The following CCDC91 variants were observed in gnomAD, a reference collection of about 807,000 sequenced individuals.
CCDC91 encodes the protein coiled-coil domain-containing protein 91.
In CCDC91, 48 loss-of-function variants were observed where a neutral mutation model predicts 63.2. The ratio of observed to expected loss-of-function variants is 0.76; its 90% CI spans 0.60 to 0.97. The LOEUF is 0.97. Among genes scored for constraint, CCDC91 ranks in the 50% least tolerant of loss-of-function variants. CCDC91 has a pLI of 0.00. For synonymous variants in CCDC91, 167 were observed against 165.8 expected, an observed-to-expected ratio of 1.01 and a Z score of -0.06; for missense variants, 500 against 494.6, an observed-to-expected ratio of 1.01 and a Z score of -0.10.
intron 11 of CCDC91, among the ~76,000 whole-genome samples, chr12:28,457,503 T>G (rs1950108400): frequency 1.3e-5 from 2 of 149,766 alleles, no homozygotes; most frequent in Non-Finnish European, 3.0e-5. Context: ...ATTGTGCAAC[T>G]TAAGCCACTT....
intron 8 of CCDC91, among the ~76,000 whole-genome samples, chr12:28,441,725 A>G (rs1487996667): frequency 7.9e-5 from 1 of 12,688 alleles, no homozygotes; most frequent in Non-Finnish European, 2.3e-4. Context: ...TCTCATATAT[A>G]TCATATATCT....
At chr12:28,386,832 T>C (rs1258185080) in intron 7 of CCDC91, among the ~76,000 whole-genome samples, 1 of 152,190 alleles carries the variant, frequency 6.6e-6, no homozygotes, top group Non-Finnish European at 1.5e-5. Flanking sequence ...ATAGAATATG[T>C]TGGTATGTAT....
intron 8 of CCDC91, among the ~76,000 whole-genome samples, chr12:28,441,714 ATC>A (rs1425274552): frequency 6.8e-5 from 3 of 44,402 alleles, no homozygotes; most frequent in Admixed American, 2.5e-4. Flanking sequence ...TCATATATAT[ATC>A]TCATATATAT....
intron 12 of CCDC91, among the ~76,000 whole-genome samples, chr12:28,502,477 G>T (rs537730729): frequency 1.3e-5 from 2 of 151,666 alleles, no homozygotes; most frequent in Admixed American, 6.6e-5. Context: ...TGGGTAGGAA[G>T]AATCAATATC....
chr12:28,286,878 AT>A (rs1371766421), intron 3 of CCDC91, among the ~76,000 whole-genome samples: 2 of 152,036 alleles, frequency 1.3e-5, no homozygotes, highest in African/African-American at 2.4e-5. Flanking sequence ...AGCATCTATT[AT>A]TTTTTTGACT....
intron 6 of CCDC91, among the ~76,000 whole-genome samples, chr12:28,358,899 T>G (rs566818385): frequency 8.6e-5 from 13 of 151,858 alleles, no homozygotes; most frequent in African/African-American, 3.1e-4. Flanking sequence ...ACACCAATAC[T>G]TTTTTTTTCT....
chr12:28,268,420 C>T (rs1424302391), intron 3 of CCDC91, among the ~76,000 whole-genome samples: 1 of 152,062 alleles, frequency 6.6e-6, no homozygotes, highest in Non-Finnish European at 1.5e-5. Flanking sequence ...ACTATAGCTA[C>T]ATATTAACAA....
rs139570319 is a variant in CCDC91, at chr12:28,429,718, T to G, written c.763-20443T>G. On this transcript the variant is annotated intron_variant, in intron 8 of 12. Transcript: ENST00000536442. ...ATTAAGTTCCTTAAATGCATGTGTA[T>G]TTTTTCTTCAGGTAGATTGAAATAT... is the stretch of plus-strand genomic sequence containing the variant. 3.5e-3 allele frequency among the ~76,000 whole-genome samples: 534 copies of G among 152,214 alleles called. 7 individuals are homozygous for G. Among genetic ancestry groups the G allele is most frequent in the African/African-American group, 0.012 (501 of 41,542 alleles).
intron 12 of CCDC91, among the ~76,000 whole-genome samples, chr12:28,488,924 A>C (rs1434828621): frequency 6.6e-6 from 1 of 151,936 alleles, no homozygotes; most frequent in African/African-American, 2.4e-5. Flanking sequence ...CTCATGGGTC[A>C]AATCCGGCCT....
At chr12:28,442,126 A>C (rs1200239817) in intron 8 of CCDC91, among the ~76,000 whole-genome samples, 2 of 152,068 alleles carry the variant, frequency 1.3e-5, no homozygotes, top group African/African-American at 4.8e-5. Context: ...TCTGCAGTAA[A>C]TGTTTAAGTG....
At chr12:28,328,908 AGTTT>A (rs1284081669) in intron 6 of CCDC91, among the ~76,000 whole-genome samples, 1 of 152,136 alleles carries the variant, frequency 6.6e-6, no homozygotes, top group African/African-American at 2.4e-5. Flanking sequence ...TAAGAAAAAC[AGTTT>A]AAGTCAGTAG....
intron 7 of CCDC91, among the ~76,000 whole-genome samples, chr12:28,370,347 A>G (rs1352780006): frequency 6.6e-6 from 1 of 152,186 alleles, no homozygotes; most frequent in South Asian, 2.1e-4. Flanking sequence ...TCTCTAGGGC[A>G]GGGGCAAAAT....
chr12:28,436,148 T>C (rs896900014), intron 8 of CCDC91, among the ~76,000 whole-genome samples: 15 of 151,898 alleles, frequency 9.9e-5, no homozygotes, highest in Admixed American at 6.6e-4. Context: ...TTTCTGTTTG[T>C]TACCCTTTTT....
At chr12:28,378,437 A>G (rs898388027) in intron 7 of CCDC91, among the ~76,000 whole-genome samples, 3 of 152,092 alleles carry the variant, frequency 2.0e-5, no homozygotes, top group African/African-American at 4.8e-5. Flanking sequence ...TAGGAGACCA[A>G]TATTTTCCCA....
chr12:28,201,154 A>G (rs7312588), intron 1 of CCDC91, among the ~76,000 whole-genome samples: 90,679 of 143,480 alleles, frequency 0.63, 28,687 homozygotes, highest in Non-Finnish European at 0.65. Context: ...CTCCCGGACG[A>G]GGTGGCTGCT....
At chr12:28,520,957 C>G (rs1375796833) in intron 12 of CCDC91, among the ~76,000 whole-genome samples, 2 of 152,112 alleles carry the variant, frequency 1.3e-5, no homozygotes, top group Non-Finnish European at 2.9e-5. Context: ...CAGTACCATG[C>G]TGTTTTGGTT....
chr12:28,507,500 C>T (rs1229383246), intron 12 of CCDC91, among the ~76,000 whole-genome samples: 1 of 151,970 alleles, frequency 6.6e-6, no homozygotes, highest in African/African-American at 2.4e-5. Flanking sequence ...AGTAAGTATT[C>T]TGTTATAAAG....
intron 12 of CCDC91, among the ~76,000 whole-genome samples, chr12:28,494,640 GATCTTTGTGAAATAT>G (rs1441266543): frequency 6.6e-6 from 1 of 151,678 alleles, no homozygotes; most frequent in East Asian, 1.9e-4. Context: ...AGACACTAAT[GATCTTTGTGAAATAT>G]ATTGTAGTAC....
chr12:28,210,337 A>C (rs966853823), intron 1 of CCDC91, among the ~76,000 whole-genome samples: 1 of 152,192 alleles, frequency 6.6e-6, no homozygotes, highest in Admixed American at 6.5e-5. Flanking sequence ...AAGGCATTAC[A>C]GTTTTTATTT....
Sources: gnomAD v4.1 joint callset for allele counts (sites outside exome capture counted in the v4.1 genomes callset) on GRCh38, gnomAD v4.1.1 for gene constraint, MANE v1.5 for transcripts, NCBI Gene and HGNC (gene_info 2026-07-23, HGNC 2026-07-21) for gene names.